The following OTOGL variants were observed in gnomAD, a reference collection of about 807,000 sequenced individuals.
OTOGL encodes the protein otogelin-like protein.
In OTOGL, 285 loss-of-function variants were observed where a neutral mutation model predicts 318.5. The ratio of observed to expected loss-of-function variants is 0.89; its 90% CI spans 0.81 to 0.99. The LOEUF (loss-of-function observed/expected upper bound fraction) is 0.99, where lower values mean the gene tolerates loss of function less well. Ranked by LOEUF, OTOGL falls within the 50% of genes least tolerant of loss-of-function variation. The pLI is 0.00. For synonymous variants in OTOGL, 987 were observed against 936.5 expected (o/e 1.05, Z -0.99); for missense variants, 2,899 against 2,845.6 (o/e 1.02, Z -0.43).
chr12:80,126,167 G>C (rs1172730151), intron 1 of OTOGL, among the ~76,000 whole-genome samples: 1 of 151,990 alleles, frequency 6.6e-6, no homozygotes, highest in Non-Finnish European at 1.5e-5. Context: ...GCTTTCTCTT[G>C]TGGGCATTTA....
intron 5 of OTOGL, 149 bp from the exon 6 acceptor site, chr12:80,219,664 GT>G (rs1878100626): frequency 6.1e-6 from 4 of 654,834 alleles, no homozygotes; most frequent in Non-Finnish European, 8.0e-6. Flanking sequence ...GACTTGTTGG[GT>G]TTAGTTCTTT....
intron 11 of OTOGL, among the ~76,000 whole-genome samples, chr12:80,240,772 G>T (rs1880307959): frequency 6.6e-6 from 1 of 152,012 alleles, no homozygotes; most frequent in Non-Finnish European, 1.5e-5. Flanking sequence ...TCTATCTCAG[G>T]TTGTGAACAT....
chr12:80,272,343 TGTG>T (rs1256803433), intron 24 of OTOGL, among the ~76,000 whole-genome samples: 1 of 80 alleles, frequency 0.013, no homozygotes, highest in African/African-American at 0.029. Context: ...GGCATTGTGA[TGTG>T]TGTGTGTGTG....
chr12:80,351,744 A>G (rs1889565197), intron 44 of OTOGL, among the ~76,000 whole-genome samples: 1 of 152,210 alleles, frequency 6.6e-6, no homozygotes, highest in South Asian at 2.1e-4. Flanking sequence ...AAATATTGTC[A>G]CATGCTGCAT....
chr12:80,164,854 A>C (rs1167027146), intron 1 of OTOGL, among the ~76,000 whole-genome samples: 2 of 152,132 alleles, frequency 1.3e-5, no homozygotes, highest in Non-Finnish European at 2.9e-5. Context: ...AAAGAGGTTT[A>C]ATTGGCTCAT....
chr12:80,234,724 T>G (rs1879684714), intron 9 of OTOGL, among the ~76,000 whole-genome samples: 1 of 152,196 alleles, frequency 6.6e-6, no homozygotes, highest in Non-Finnish European at 1.5e-5. Flanking sequence ...TACATTGCTT[T>G]GAGAAGCCTT....
intron 30 of OTOGL, among the ~76,000 whole-genome samples, chr12:80,312,168 A>G (rs1368007942): frequency 6.6e-6 from 1 of 152,216 alleles, no homozygotes; most frequent in Non-Finnish European, 1.5e-5. Flanking sequence ...ATTACCTGAA[A>G]AAGATATTAA....
intron 13 of OTOGL, among the ~76,000 whole-genome samples, chr12:80,253,050 G>A (rs535437638): frequency 3.0e-4 from 46 of 152,274 alleles, no homozygotes; most frequent in African/African-American, 1.1e-3. Context: ...GCAGTCGCAT[G>A]GTCTTGGACA....
In OTOGL at chr12:80,358,242, C is replaced by T; in HGVS notation, c.6020-6C>T. ...CTGTGATTTTTGGCTTCTTGTTTTA[C>T]CTTAGTTTGTGAATCTTGCACCAAA... On this transcript the variant is annotated splice_region_variant and splice_polypyrimidine_tract_variant and intron_variant, in intron 49 of 58. Transcript: ENST00000547103. The T allele has an allele frequency of 6.2e-7, 1 of 1,600,342 alleles. No homozygotes were observed. The highest frequency in any genetic ancestry group is 8.6e-7 in the Non-Finnish European group (1 of 1,169,438).
chr12:80,352,967 T>C (rs7297396), intron 45 of OTOGL, among the ~76,000 whole-genome samples: 151,690 of 152,306 alleles, frequency 1, 75,541 homozygotes, highest in Middle Eastern at 1. Flanking sequence ...AAGTGTATTT[T>C]GGTTATAATT....
chr12:80,298,919 T>C (rs768729354), intron 27 of OTOGL, among the ~76,000 whole-genome samples: 18 of 152,186 alleles, frequency 1.2e-4, no homozygotes, highest in Non-Finnish European at 2.4e-4. Flanking sequence ...TAGAAAGTAC[T>C]AATTTGACAA....
intron 1 of OTOGL, among the ~76,000 whole-genome samples, chr12:80,148,825 C>T (rs538444530): frequency 2.0e-5 from 3 of 152,302 alleles, no homozygotes; most frequent in African/African-American, 7.2e-5. Context: ...TGCTGATACC[C>T]TTTCTTCCAG....
chr12:80,159,119 T>TAATTAAA (rs1873322999), intron 1 of OTOGL, among the ~76,000 whole-genome samples: 1 of 151,788 alleles, frequency 6.6e-6, no homozygotes, highest in Non-Finnish European at 1.5e-5. Flanking sequence ...ATTCTGTTTA[T>TAATTAAA]GTGCTGTATC....
chr12:80,153,327 T>A (rs1042361042), intron 1 of OTOGL, among the ~76,000 whole-genome samples: 1 of 152,150 alleles, frequency 6.6e-6, no homozygotes, highest in African/African-American at 2.4e-5. Context: ...ATAAGGGCAT[T>A]AATCCCATCC....
At chr12:80,183,935 G>C (rs745525442) in intron 1 of OTOGL, among the ~76,000 whole-genome samples, 34 of 152,132 alleles carry the variant, frequency 2.2e-4, no homozygotes, top group Non-Finnish European at 2.9e-4. Context: ...TAGTGCTGTT[G>C]AATTATAATA....
intron 44 of OTOGL, among the ~76,000 whole-genome samples, chr12:80,346,595 C>T (rs988617209): frequency 3.9e-5 from 6 of 152,054 alleles, no homozygotes; most frequent in African/African-American, 7.2e-5. Flanking sequence ...TTTCAGTGTC[C>T]GTCATCCAGA....
At chr12:80,348,365 T>C (rs7309889) in intron 44 of OTOGL, among the ~76,000 whole-genome samples, 108,862 of 152,062 alleles carry the variant, frequency 0.72, 40,856 homozygotes, top group Non-Finnish European at 0.84. Flanking sequence ...CAACACTATT[T>C]ATTAAATAGG....
Position 80,380,255 on chromosome 12 carries a change from A to T in OTOGL, c.*2207A>T. 1 of 152,028 alleles carries T rather than the reference A, an allele frequency of 6.6e-6. No homozygotes were observed. The highest frequency in any genetic ancestry group is 1.5e-5 in the Non-Finnish European group (1 of 67,910). 9.4% of individuals were successfully genotyped at this position (152,028 alleles called of 1,614,324 possible). A position where few individuals can be genotyped will look rare whatever the true frequency, so the allele number is the denominator to read the frequency against. On this transcript the variant is annotated 3_prime_UTR_variant, in exon 59 of 59. Transcript: ENST00000547103. ...TGTGACTCAGTATCCAGATACCCCA[A>T]ATAAATGATTCATAGATTTAACAGT...
chr12:80,241,356 C>T (rs1243217450), intron 11 of OTOGL, among the ~76,000 whole-genome samples: 1 of 152,148 alleles, frequency 6.6e-6, no homozygotes, highest in Non-Finnish European at 1.5e-5. Flanking sequence ...AACCCCCACT[C>T]TGCCTAAAAT....
Sources: gnomAD v4.1 joint callset for allele counts (sites outside exome capture counted in the v4.1 genomes callset) on GRCh38, gnomAD v4.1.1 for gene constraint, MANE v1.5 for transcripts, NCBI Gene and HGNC (gene_info 2026-07-23, HGNC 2026-07-21) for gene names.